Variants in PDZRN3 observed in about 807,000 individuals in gnomAD.
PDZRN3 encodes the protein PDZ domain containing ring finger 3.
A neutral mutation model predicts 85.7 loss-of-function variants in PDZRN3; 38 were observed. The observed-to-expected ratio is 0.44, with a 90% CI of 0.34 to 0.58. The LOEUF (loss-of-function observed/expected upper bound fraction) is 0.58. PDZRN3 is among the 20% of genes least tolerant of loss of function. The probability of loss-of-function intolerance (pLI) is 0.01; values close to 1 mark genes in which losing one functional copy is unlikely to be tolerated. For synonymous variants in PDZRN3, 759 were observed against 638.0 expected (o/e 1.19, Z -2.86); for missense variants, 1,629 against 1,506.4 (o/e 1.08, Z -1.35).
chr3:73,413,458 C>T (rs1702012977), intron 3 of PDZRN3, among the ~76,000 whole-genome samples: 1 of 152,188 alleles, frequency 6.6e-6, no homozygotes. Flanking sequence ...GCTTCACACA[C>T]ATGATTTCAT....
chr3:73,518,338 T>G (rs1321264158), intron 3 of PDZRN3, among the ~76,000 whole-genome samples: 1 of 152,092 alleles, frequency 6.6e-6, no homozygotes, highest in Non-Finnish European at 1.5e-5. Context: ...GTGGTTGCCA[T>G]GGGCTGGGGG....
At chr3:73,533,503 A>G (rs1168458419) in intron 3 of PDZRN3, among the ~76,000 whole-genome samples, 1 of 152,152 alleles carries the variant, frequency 6.6e-6, no homozygotes, top group Non-Finnish European at 1.5e-5. Flanking sequence ...TTGAAAACAT[A>G]TCTATCCATG....
intron 3 of PDZRN3, among the ~76,000 whole-genome samples, chr3:73,495,950 C>T (rs1232446860): frequency 6.6e-6 from 1 of 151,706 alleles, no homozygotes; most frequent in Non-Finnish European, 1.5e-5. Flanking sequence ...AATTCCCTAC[C>T]CTTCCCCCTA....
At chr3:73,468,127 A>T (rs192055698) in intron 3 of PDZRN3, among the ~76,000 whole-genome samples, 239 of 151,540 alleles carry the variant, frequency 1.6e-3, no homozygotes, top group African/African-American at 4.1e-3. Context: ...AATAATAATT[A>T]AAAAAAAAGC....
chr3:73,529,160 G>A (rs548449452), intron 3 of PDZRN3, among the ~76,000 whole-genome samples: 28 of 152,182 alleles, frequency 1.8e-4, no homozygotes, highest in Admixed American at 4.6e-4. Context: ...AAAATCTTAC[G>A]GTCTGTCTTT....
chr3:73,427,763 T>C (rs1183267957), intron 3 of PDZRN3, among the ~76,000 whole-genome samples: 1 of 152,196 alleles, frequency 6.6e-6, no homozygotes, highest in African/African-American at 2.4e-5. Flanking sequence ...GGTAAACACA[T>C]CCTGAACAGT....
At chr3:73,480,175 C>T (rs1419281954) in intron 3 of PDZRN3, among the ~76,000 whole-genome samples, 1 of 152,214 alleles carries the variant, frequency 6.6e-6, no homozygotes, top group African/African-American at 2.4e-5. Flanking sequence ...AGAGAATGCC[C>T]TGATTCTAAA....
chr3:73,507,412 C>T (rs1444702646), intron 3 of PDZRN3, among the ~76,000 whole-genome samples: 2 of 152,162 alleles, frequency 1.3e-5, no homozygotes, highest in Non-Finnish European at 2.9e-5. Context: ...TCAGGTGATC[C>T]GCCCGCCTTG....
At chr3:73,621,394 A>G (rs756315671) in intron 1 of PDZRN3, among the ~76,000 whole-genome samples, 2 of 152,242 alleles carry the variant, frequency 1.3e-5, no homozygotes, top group Non-Finnish European at 2.9e-5. Flanking sequence ...AGCAAACATT[A>G]GGGCTTATTT....
chr3:73,416,761 T>TAAAACTC (rs374829753), intron 3 of PDZRN3, among the ~76,000 whole-genome samples: 1 of 152,006 alleles, frequency 6.6e-6, no homozygotes, highest in African/African-American at 2.4e-5. Context: ...CACTTGCTCT[T>TAAAACTC]AAAACTCTGT....
At chr3:73,452,841 G>GTGTGTGTGTGTA (rs1702893574) in intron 3 of PDZRN3, among the ~76,000 whole-genome samples, 1 of 93,204 alleles carries the variant, frequency 1.1e-5, no homozygotes, top group Non-Finnish European at 2.7e-5. Context: ...CCATATATCT[G>GTGTGTGTGTGTA]TGTGTGTGTG....
intron 3 of PDZRN3, among the ~76,000 whole-genome samples, chr3:73,527,236 T>C (rs1435316028): frequency 1.3e-5 from 2 of 152,196 alleles, no homozygotes; most frequent in Non-Finnish European, 2.9e-5. Flanking sequence ...GAAGGCCTCA[T>C]GCAGGGACTG....
intron 3 of PDZRN3, among the ~76,000 whole-genome samples, chr3:73,538,890 GTTTC>G (rs1704851318): frequency 1.3e-5 from 2 of 152,222 alleles, no homozygotes; most frequent in East Asian, 1.9e-4. Context: ...GGCTCACTGT[GTTTC>G]TTTAAGGTGT....
chr3:73,536,482 A>ATGTGTGTCATGT (rs1704789446), intron 3 of PDZRN3, among the ~76,000 whole-genome samples: 1 of 152,226 alleles, frequency 6.6e-6, no homozygotes, highest in Admixed American at 6.5e-5. Flanking sequence ...CATGACAGGT[A>ATGTGTGTCATGT]TGTGTGTCAT....
At chr3:73,416,876 GTTTT>G (rs146381615) in intron 3 of PDZRN3, among the ~76,000 whole-genome samples, 71,374 of 113,668 alleles carry the variant, frequency 0.63, 18,351 homozygotes, top group East Asian at 0.78. Context: ...TTTTTTTTTG[GTTTT>G]TTTTTTTTTT....
At chr3:73,448,525 A>G (rs1702795491) in intron 3 of PDZRN3, among the ~76,000 whole-genome samples, 1 of 152,208 alleles carries the variant, frequency 6.6e-6, no homozygotes, top group Admixed American at 6.5e-5. Context: ...AGGAGTGAAG[A>G]GTTAATTCTA....
intron 3 of PDZRN3, among the ~76,000 whole-genome samples, chr3:73,493,979 A>G (rs1703822867): frequency 1.3e-5 from 2 of 152,352 alleles, no homozygotes; most frequent in South Asian, 4.1e-4. Context: ...AAAGAGACCA[A>G]TCAACGTTGG....
intron 3 of PDZRN3, among the ~76,000 whole-genome samples, chr3:73,578,878 C>T (rs1702160292): frequency 6.6e-6 from 1 of 152,148 alleles, no homozygotes; most frequent in Non-Finnish European, 1.5e-5. Flanking sequence ...TACGCAGGCA[C>T]TTGGTTTGCT....
At chr3:73,472,972 T>C (rs1372128137) in intron 3 of PDZRN3, among the ~76,000 whole-genome samples, 1 of 152,194 alleles carries the variant, frequency 6.6e-6, no homozygotes, top group Non-Finnish European at 1.5e-5. Flanking sequence ...TTTATATAGA[T>C]TTAATTAACG....
Sources: gnomAD v4.1 joint callset for allele counts (sites outside exome capture counted in the v4.1 genomes callset) on GRCh38, gnomAD v4.1.1 for gene constraint, MANE v1.5 for transcripts, NCBI Gene and HGNC (gene_info 2026-07-23, HGNC 2026-07-21) for gene names.